Variants in CDK5RAP2 observed in about 807,000 individuals in gnomAD.
CDK5RAP2 encodes CDK5 regulatory subunit-associated protein 2.
CDK5RAP2 carries 147 observed loss-of-function variants against 232.9 expected under a neutral mutation model. The ratio of observed to expected loss-of-function variants is 0.63; its 90% CI spans 0.55 to 0.72. The LOEUF (loss-of-function observed/expected upper bound fraction) is 0.72, where lower values mean the gene tolerates loss of function less well. Ranked by LOEUF, CDK5RAP2 falls within the 30% of genes least tolerant of loss-of-function variation. The probability of loss-of-function intolerance (pLI) is 0.00; values close to 1 mark genes in which losing one functional copy is unlikely to be tolerated. For synonymous variants in CDK5RAP2, 833 were observed against 833.7 expected (o/e 1.00, Z 0.01); for missense variants, 2,195 against 2,231.5 (o/e 0.98, Z 0.33).
At chr9:120,504,197 G>A (rs73660265) in intron 12 of CDK5RAP2, among the ~76,000 whole-genome samples, 4,789 of 152,194 alleles carry the variant, frequency 0.031, 218 homozygotes, top group African/African-American at 0.11. Flanking sequence ...GGGAGGGTGT[G>A]TGCAGCTTAG....
chr9:120,499,102 G>A (rs544605308), intron 12 of CDK5RAP2, among the ~76,000 whole-genome samples: 60 of 152,284 alleles, frequency 3.9e-4, no homozygotes, highest in Non-Finnish European at 6.6e-4. Context: ...GACAATCAGG[G>A]AAATCTAAAC....
intron 7 of CDK5RAP2, 108 bp from the exon 8 acceptor site, chr9:120,530,248 A>G (rs1358702810): frequency 4.0e-6 from 3 of 741,698 alleles, no homozygotes; most frequent in Non-Finnish European, 6.9e-6. Context: ...GACATATACA[A>G]TGGCTGAACA....
chr9:120,560,198 T>C (rs2042412384), intron 3 of CDK5RAP2, among the ~76,000 whole-genome samples: 1 of 152,174 alleles, frequency 6.6e-6, no homozygotes, highest in Non-Finnish European at 1.5e-5. Context: ...CTTGGGAAAA[T>C]TATTTAACAT....
rs1383656268 is a variant in CDK5RAP2, at chr9:120,579,919, C to A, written c.59+1G>T. The A allele has an allele frequency of 1.2e-6, 2 of 1,612,200 alleles. No homozygotes were observed. The highest frequency in any genetic ancestry group is 2.7e-5 in the African/African-American group (2 of 75,042). On this transcript the variant is annotated splice_donor_variant, in intron 1 of 37. Transcript: ENST00000349780. LOFTEE classifies it high-confidence loss of function. Reference sequence around the variant, plus strand: ...CACGACCACCAATGCCCCGGCCGCACCTGCAGCCGCTGAGCGTCCCAGGGA... The same window carrying A: ...CACGACCACCAATGCCCCGGCCGCAACTGCAGCCGCTGAGCGTCCCAGGGA...
intron 1 of CDK5RAP2, 71 bp from the exon 2 acceptor site, chr9:120,572,112 C>A: frequency 8.6e-7 from 1 of 1,158,604 alleles, no homozygotes. Flanking sequence ...ACGGTCTGGA[C>A]TGCACATGAC....
Position 120,439,726 on chromosome 9 carries a change from T to C in CDK5RAP2, c.3395A>G (p.Gln1132Arg), listed in dbSNP as rs767034388. The C allele has an allele frequency of 6.2e-7, 1 of 1,614,216 alleles. No individual in the cohort carries two copies. The highest frequency in any genetic ancestry group is 2.2e-5 in the East Asian group (1 of 44,872). The change falls in exon 24 of 38, where the codon CAG (glutamine) becomes CGG (arginine). Residue 1132 changes from glutamine to arginine, a missense_variant. Coordinates refer to ENST00000349780, the MANE Select transcript of CDK5RAP2 (RefSeq NM_018249.6). Reference sequence around the variant, plus strand: ...ACTGCACTGGGAGTGCTTTTGAAGCTGAAATATGAAATTCTGGTAGCCTTC... The same window carrying C: ...ACTGCACTGGGAGTGCTTTTGAAGCCGAAATATGAAATTCTGGTAGCCTTC... The part of the protein sequence containing the change: ...ELEGYQNFIF[Q>R]LQKHSQCSEA...
chr9:120,484,119 T>C (rs578037375), intron 14 of CDK5RAP2, among the ~76,000 whole-genome samples: 2 of 152,318 alleles, frequency 1.3e-5, no homozygotes, highest in South Asian at 4.1e-4. Flanking sequence ...GATCACACAA[T>C]GATTAGAAGG....
At chr9:120,482,543 G>A (rs2038380620) in intron 14 of CDK5RAP2, among the ~76,000 whole-genome samples, 1 of 152,150 alleles carries the variant, frequency 6.6e-6, no homozygotes, top group Non-Finnish European at 1.5e-5. Flanking sequence ...GCACTTCACA[G>A]GATCTGCTCC....
At chr9:120,516,297 A>G (rs2040334975) in intron 12 of CDK5RAP2, among the ~76,000 whole-genome samples, 1 of 144,884 alleles carries the variant, frequency 6.9e-6, no homozygotes. Flanking sequence ...GTTCTCACTG[A>G]TAGGTGGGAA....
intron 14 of CDK5RAP2, among the ~76,000 whole-genome samples, chr9:120,478,596 A>AC (rs2038146260): frequency 1.3e-5 from 2 of 151,454 alleles, no homozygotes; most frequent in Admixed American, 1.3e-4. Context: ...ACATAGTGAG[A>AC]CCCCCGCCTC....
chr9:120,443,670 AC>A lies in CDK5RAP2; in HGVS notation c.3097del (p.Val1033SerfsTer41), dbSNP rs747831095. On this transcript the variant is annotated frameshift_variant, in exon 23 of 38. Transcript: ENST00000349780. LOFTEE classifies it high-confidence loss of function. ...ACTGTCCATTTCCTTGTCTCTCCAG[AC>A]AGAAGATGTGGTTTTAATTCCTTTC... The part of the protein sequence containing the change: ...EQKGIKTTSS[V>X]WRDKEMDSDQ... 5.0e-5 allele frequency: 81 copies of A among 1,613,992 alleles called. No homozygotes were observed. The highest frequency in any genetic ancestry group is 6.7e-5 in the Non-Finnish European group (79 of 1,179,992).
intron 20 of CDK5RAP2, among the ~76,000 whole-genome samples, chr9:120,457,633 C>T (rs1232608950): frequency 1.3e-5 from 2 of 152,232 alleles, no homozygotes; most frequent in Non-Finnish European, 2.9e-5. Context: ...GCCTGTAAGG[C>T]TTAGTCCATC....
chr9:120,468,032 C>T, intron 17 of CDK5RAP2, 35 bp from the exon 18 acceptor site: 1 of 1,612,350 alleles, frequency 6.2e-7, no homozygotes, highest in South Asian at 1.1e-5. Flanking sequence ...GCTGTCTACC[C>T]AGCAAGAGAC....
intron 28 of CDK5RAP2, among the ~76,000 whole-genome samples, chr9:120,414,278 A>G (rs1018605662): frequency 3.3e-5 from 5 of 152,204 alleles, no homozygotes; most frequent in African/African-American, 7.2e-5. Context: ...AAGCTAATAA[A>G]TGGGACAGCA....
At position 120,568,308 on chromosome 9, in the gene CDK5RAP2, T is replaced by G. The variant is rs1588674797; in HGVS notation, c.195+13A>C. ...CAATTTGTTGGGGGCAGTAATTTGG[T>G]ATTTCCACTTACATTTTCAAAGTCC... On this transcript the variant is annotated intron_variant, in intron 3 of 37. Transcript: ENST00000349780. The G allele has an allele frequency of 6.3e-7, 1 of 1,597,416 alleles. No homozygotes were observed.
At chr9:120,490,389 T>G (rs1235534140) in intron 13 of CDK5RAP2, among the ~76,000 whole-genome samples, 1 of 152,254 alleles carries the variant, frequency 6.6e-6, no homozygotes, top group Non-Finnish European at 1.5e-5. Flanking sequence ...TTCAGTTACA[T>G]CTGGTGACCC....
intron 6 of CDK5RAP2, among the ~76,000 whole-genome samples, chr9:120,537,142 T>TACTCACAC (rs1230071131): frequency 1.3e-5 from 2 of 152,188 alleles, no homozygotes; most frequent in African/African-American, 4.8e-5. Context: ...TCACACCAAC[T>TACTCACAC]GCCTCCAATT....
intron 12 of CDK5RAP2, among the ~76,000 whole-genome samples, chr9:120,518,165 CTGTGTGTGTGTGTGTGTGTGTGTGTG>C: frequency 9.0e-6 from 1 of 111,252 alleles, no homozygotes; most frequent in South Asian, 3.8e-4. Flanking sequence ...GATAACAACT[CTGTGTGTGTGTGTGTGTGTGTGTGTG>C]TGTGTGTGTG....
At chr9:120,570,286 C>T (rs1328593234) in intron 2 of CDK5RAP2, among the ~76,000 whole-genome samples, 1 of 152,166 alleles carries the variant, frequency 6.6e-6, no homozygotes, top group East Asian at 1.9e-4. Context: ...TTTTTCCTTA[C>T]CTACATCTGA....
Sources: gnomAD v4.1 joint callset for allele counts (sites outside exome capture counted in the v4.1 genomes callset) on GRCh38, gnomAD v4.1.1 for gene constraint, MANE v1.5 for transcripts, NCBI Gene and HGNC (gene_info 2026-07-23, HGNC 2026-07-21) for gene names.